Variants in LRBA observed in about 807,000 individuals in gnomAD.
LRBA encodes the protein lipopolysaccharide-responsive and beige-like anchor protein.
Under a neutral mutation model 330.0 loss-of-function variants are expected in LRBA, and 176 were observed. The observed-to-expected ratio is 0.53, with a 90% CI of 0.47 to 0.60. LRBA has a LOEUF of 0.60. LRBA is among the 20% of genes least tolerant of loss of function. The pLI, the probability that LRBA is intolerant of heterozygous loss-of-function variation, is 0.00. For missense variants in LRBA, 3,259 were observed against 3,444.8 expected (o/e 0.95, Z 1.35); for synonymous variants, 1,230 against 1,193.0 (o/e 1.03, Z -0.64).
chr4:150,443,875 T>A (rs1263892020), intron 44 of LRBA, among the ~76,000 whole-genome samples: 8,412 of 31,658 alleles, frequency 0.27, 385 homozygotes, highest in Admixed American at 0.32. Context: ...TATATATATT[T>A]TTTTTTTTTT....
chr4:150,542,169 C>CAA (rs1765382263), intron 40 of LRBA, among the ~76,000 whole-genome samples: 1 of 152,136 alleles, frequency 6.6e-6, no homozygotes, highest in African/African-American at 2.4e-5. Context: ...CATTGCCTCA[C>CAA]AAGTGTCTCT....
chr4:150,703,698 C>T (rs192505659), intron 36 of LRBA, among the ~76,000 whole-genome samples: 1 of 152,092 alleles, frequency 6.6e-6, no homozygotes, highest in East Asian at 1.9e-4. Flanking sequence ...ATTTCTCCTA[C>T]ATGATTGTAA....
chr4:150,490,397 C>G (rs982966474), intron 41 of LRBA, among the ~76,000 whole-genome samples: 2 of 151,770 alleles, frequency 1.3e-5, no homozygotes, highest in African/African-American at 4.8e-5. Flanking sequence ...TGGATTTCAC[C>G]AAGTTCCATC....
chr4:150,844,146 T>A lies in LRBA; in HGVS notation c.4523A>T (p.Gln1508Leu). ...CCTAAGCCGATTAATATCCATGTCCTGTAGAAGCCTGTCAAGATCTCTTAC... is the reference window on the plus strand; with the variant it reads ...CCTAAGCCGATTAATATCCATGTCCAGTAGAAGCCTGTCAAGATCTCTTAC... ...SPVRDLDRLL[Q>L]DMDINRLRAV... The change falls in exon 28 of 57, where the codon CAG becomes CTG. Residue 1508 changes from glutamine to leucine, a missense_variant. Transcript: ENST00000651943. The A allele has an allele frequency of 6.2e-7, 1 of 1,612,142 alleles. No homozygotes were observed. The highest frequency in any genetic ancestry group is 8.5e-7 in the Non-Finnish European group (1 of 1,178,724).
At chr4:150,701,014 C>T (rs1312957257) in intron 36 of LRBA, among the ~76,000 whole-genome samples, 1 of 152,154 alleles carries the variant, frequency 6.6e-6, no homozygotes, top group African/African-American at 2.4e-5. Flanking sequence ...CCCACCTTGA[C>T]CAAAGTGCTG....
Position 150,393,323 on chromosome 4 carries a change from G to C in LRBA, c.7194+22115C>G, listed in dbSNP as rs1744261760. Among the ~76,000 whole-genome samples, 3 of 151,544 alleles carry C rather than the reference G, an allele frequency of 2.0e-5. No homozygotes were observed. In the South Asian group the frequency reaches 6.3e-4, roughly 32 times the overall value. On this transcript the variant is annotated intron_variant, in intron 47 of 56. Coordinates refer to ENST00000651943, the MANE Select transcript of LRBA (RefSeq NM_001364905.1). ...GACTTTCAGAAGCAATGAAAGATAT[G>C]TGCTAAAATCTTTTTTTTTTTTTAA...
intron 36 of LRBA, among the ~76,000 whole-genome samples, chr4:150,694,208 CTTCT>C (rs758689020): frequency 9.2e-5 from 14 of 151,936 alleles, no homozygotes; most frequent in Non-Finnish European, 1.9e-4. Context: ...ATGTCAGGAC[CTTCT>C]TTCTTTTACA....
intron 37 of LRBA, among the ~76,000 whole-genome samples, chr4:150,630,801 T>A (rs1300675057): frequency 1.3e-5 from 2 of 152,090 alleles, no homozygotes; most frequent in African/African-American, 4.8e-5. Context: ...AACATAAAGG[T>A]AGCATTTTAA....
intron 40 of LRBA, among the ~76,000 whole-genome samples, chr4:150,545,951 C>G (rs952162366): frequency 4.0e-5 from 6 of 151,452 alleles, no homozygotes; most frequent in African/African-American, 1.5e-4. Flanking sequence ...TTTTTCCTAT[C>G]CATTTGGGCT....
chr4:150,429,079 T>C (rs1279366455), intron 46 of LRBA, among the ~76,000 whole-genome samples: 1 of 152,058 alleles, frequency 6.6e-6, no homozygotes, highest in East Asian at 1.9e-4. Flanking sequence ...AAGTGGGATA[T>C]GACATAATAA....
chr4:150,796,111 G>A (rs910379323), intron 34 of LRBA, among the ~76,000 whole-genome samples: 5 of 151,806 alleles, frequency 3.3e-5, no homozygotes, highest in African/African-American at 1.2e-4. Context: ...TAGCAAGATG[G>A]TAGCTTTTGC....
rs768579668 is a variant in LRBA, at chr4:150,282,530, A to C, written c.8236T>G (p.Phe2746Val). ...GTACAGAAGAGGCCGTTTTCATAGA[A>C]TATGACACAATGACCCTCTCTTGAA... ...QASREGHCVI[F>V]YENGLFCTFS... The change falls in exon 55 of 57, where the codon TTC becomes GTC. Residue 2746 changes from phenylalanine (F) to valine (V), a missense_variant. By Grantham distance (50) the Phe-to-Val change is conservative. Transcript: ENST00000651943. 29 of 1,614,126 alleles carry C rather than the reference A, an allele frequency of 1.8e-5. No homozygotes were observed. In the South Asian group the frequency reaches 3.1e-4, roughly 17 times the overall value.
rs1491558415 is a variant in LRBA at position 150,828,922 on chromosome 4, G to GGGGT, written c.4730-302_4730-301insACCC. On this transcript the variant is annotated intron_variant, in intron 29 of 56. Transcript: ENST00000651943. ...GAAAAAGTCTATAATCTTTTTTGGGGGTGTGTGTGTGTGTGTGTGTGTGTG... is the reference window on the plus strand; with the variant it reads ...GAAAAAGTCTATAATCTTTTTTGGGGGGGTGTGTGTGTGTGTGTGTGTGTGTGTG... 8.8e-4 allele frequency among the ~76,000 whole-genome samples: 93 copies of GGGGT among 106,226 alleles called. 1 individual carries two copies. Among genetic ancestry groups the GGGGT allele is most frequent in the South Asian group, 4.5e-3 (16 of 3,522 alleles). The allele number at this position is 106,226 out of a possible 152,430, so 69.7% of individuals were successfully genotyped here.
intron 48 of LRBA, among the ~76,000 whole-genome samples, chr4:150,328,632 A>G (rs1481811975): frequency 6.6e-6 from 1 of 152,110 alleles, no homozygotes. Flanking sequence ...AAGCCCTAGG[A>G]TGAAAATACA....
At chr4:150,450,500 G>A (rs1252490340) in intron 44 of LRBA, among the ~76,000 whole-genome samples, 1 of 152,026 alleles carries the variant, frequency 6.6e-6, no homozygotes, top group Non-Finnish European at 1.5e-5. Context: ...GTCATATAGT[G>A]TTCTCTCCCT....
chr4:150,830,270 T>C (rs1375800526), intron 29 of LRBA, among the ~76,000 whole-genome samples: 1 of 152,178 alleles, frequency 6.6e-6, no homozygotes, highest in Non-Finnish European at 1.5e-5. Flanking sequence ...CGTTTTAAGG[T>C]CTGGCAGCTC....
rs537020513 is a variant in LRBA at position 150,280,507 on chromosome 4, C to T, written c.8316+1943G>A. Among the ~76,000 whole-genome samples the T allele has an allele frequency of 2.6e-5, 4 of 152,314 alleles. No homozygotes were observed. In the South Asian group the frequency reaches 8.3e-4, roughly 32 times the overall value. On this transcript the variant is annotated intron_variant, in intron 55 of 56. Coordinates refer to ENST00000651943, the MANE Select transcript of LRBA (RefSeq NM_001364905.1). ...TACAGGCTGCCTCCTTAAATATCAG[C>T]TATTCATAAAGACATCTCAACACTG...
intron 42 of LRBA, among the ~76,000 whole-genome samples, chr4:150,472,338 G>T (rs1304914765): frequency 6.6e-6 from 1 of 152,026 alleles, no homozygotes; most frequent in Non-Finnish European, 1.5e-5. Flanking sequence ...GTGAGAAACA[G>T]ATGGCAGAAT....
At position 151,014,593 on chromosome 4, in the gene LRBA, T is replaced by C. The variant is rs1318944382; in HGVS notation, c.50A>G (p.Asp17Gly). The change falls in exon 2 of 57, where the codon GAC becomes GGC. Residue 17 changes from aspartate (D) to glycine (G), a missense_variant. Transcript: ENST00000651943. Reference protein sequence around the residue: ...RVPSPPPTGDDGGGGGREETP... With the variant: ...RVPSPPPTGDGGGGGGREETP... ...TTCTTCTCTCCCTCCACCTCCCCCG[T>C]CATCACCTGTTGGTGGCGGGGAAGG... 3 of 1,611,320 alleles carry C rather than the reference T, an allele frequency of 1.9e-6. No individual in the cohort carries two copies. Among genetic ancestry groups the C allele is most frequent in the Non-Finnish European group, 2.5e-6 (3 of 1,178,630 alleles).
Sources: gnomAD v4.1 joint callset for allele counts (sites outside exome capture counted in the v4.1 genomes callset) on GRCh38, gnomAD v4.1.1 for gene constraint, MANE v1.5 for transcripts, NCBI Gene and HGNC (gene_info 2026-07-23, HGNC 2026-07-21) for gene names.